The following OTOA variants were observed in gnomAD, a reference collection of about 807,000 sequenced individuals.
OTOA encodes the protein otoancorin, also known as cancer/testis antigen 108.
A neutral mutation model predicts 110.8 loss-of-function variants in OTOA; 70 were observed. The ratio of observed to expected loss-of-function variants is 0.63; its 90% CI spans 0.52 to 0.77. OTOA has a LOEUF of 0.77. Among genes scored for constraint, OTOA ranks in the 30% least tolerant of loss-of-function variants. OTOA has a pLI of 0.00. For synonymous variants in OTOA, 373 were observed against 431.5 expected (o/e 0.86, Z 1.68); for missense variants, 917 against 1,075.8 (o/e 0.85, Z 2.06).
chr16:21,733,565 G>C (rs1365585752), intron 21 of OTOA, among the ~76,000 whole-genome samples: 4 of 151,214 alleles, frequency 2.6e-5, no homozygotes, highest in African/African-American at 7.3e-5. Flanking sequence ...GGTGAGCCGG[G>C]ACCCAGTGAG....
chr16:21,704,608 G>A (rs930648166), intron 11 of OTOA, among the ~76,000 whole-genome samples: 2 of 152,144 alleles, frequency 1.3e-5, no homozygotes, highest in Non-Finnish European at 2.9e-5. Flanking sequence ...GTTTGGACTG[G>A]GGAGGGGGTG....
rs1365649266 is a variant in OTOA at position 21,755,684 on chromosome 16, A to AG, written c.3154-1392dup. Among the ~76,000 whole-genome samples, 63 of 140,844 alleles carry AG rather than the reference A, an allele frequency of 4.5e-4. No individual in the cohort carries two copies. In the East Asian group the frequency reaches 8.1e-3, roughly 18 times the overall value. 92.4% of individuals were successfully genotyped at this position (140,844 alleles called of 152,430 possible). ...TAATTAAAAAAACTTTTTGTAGAGA[A>AG]GGGGGGTCTCACTGTGTTGCCCAGG... On this transcript the variant is annotated intron_variant, in intron 27 of 28. Transcript: ENST00000646100.
At position 21,728,323 on chromosome 16, in the gene OTOA, G is replaced by C. The variant is rs1381645905; in HGVS notation, c.2099G>C (p.Gly700Ala). 2.5e-6 allele frequency: 4 copies of C among 1,614,058 alleles called. No individual in the cohort carries two copies. Among genetic ancestry groups the C allele is most frequent in the Non-Finnish European group, 3.4e-6 (4 of 1,180,010 alleles). Reference protein sequence around the residue: ...CHLPAAIIDRGISPRAWATAL... With the variant: ...CHLPAAIIDRAISPRAWATAL... Reference sequence around the variant, plus strand: ...TTGCCGGCAGCCATCATCGACAGGGGGATCTCCCCCAGGGCTTGGGCGACT... The same window carrying C: ...TTGCCGGCAGCCATCATCGACAGGGCGATCTCCCCCAGGGCTTGGGCGACT... The change falls in exon 20 of 29, where the codon GGG becomes GCG. Residue 700 changes from glycine to alanine, a missense_variant. Coordinates refer to ENST00000646100, the MANE Select transcript of OTOA (RefSeq NM_144672.4).
intron 11 of OTOA, among the ~76,000 whole-genome samples, chr16:21,701,903 C>A (rs1898060671): frequency 6.7e-6 from 1 of 149,228 alleles, no homozygotes; most frequent in Admixed American, 6.7e-5. Flanking sequence ...TCCCAAACTG[C>A]TGGGATTACA....
chr16:21,714,458 C>CTAT (rs1898481067), intron 13 of OTOA, among the ~76,000 whole-genome samples: 2 of 62,042 alleles, frequency 3.2e-5, no homozygotes, highest in African/African-American at 1.5e-4. Context: ...CTCTCTCTCT[C>CTAT]TCTTCTTTCT....
At chr16:21,711,530 C>T (rs1477128000) in intron 13 of OTOA, among the ~76,000 whole-genome samples, 1 of 152,112 alleles carries the variant, frequency 6.6e-6, no homozygotes, top group Non-Finnish European at 1.5e-5. Flanking sequence ...AATGCAATGG[C>T]ACAACCTCAG....
At chr16:21,678,366 T>C in intron 1 of OTOA, 145 bp from the exon 2 acceptor site, 1 of 524,888 alleles carries the variant, frequency 1.9e-6, no homozygotes. Flanking sequence ...CTTCAAGGGA[T>C]TCTGGGTGTA....
At chr16:21,716,784 C>A in intron 14 of OTOA, 123 bp from the exon 15 acceptor site, 1 of 1,140,756 alleles carries the variant, frequency 8.8e-7, no homozygotes, top group Non-Finnish European at 1.3e-6. Flanking sequence ...ATGCTACTCT[C>A]CACTTCCTAG....
intron 6 of OTOA, 75 bp from the exon 7 acceptor site, chr16:21,685,155 G>C (rs1897687243): frequency 6.3e-7 from 1 of 1,582,370 alleles, no homozygotes; most frequent in Non-Finnish European, 8.6e-7. Flanking sequence ...GCCGGGCTGG[G>C]CCGCTGGCCA....
chr16:21,683,827 G>T (rs1218558325), intron 6 of OTOA, among the ~76,000 whole-genome samples: 1 of 151,016 alleles, frequency 6.6e-6, no homozygotes, highest in African/African-American at 2.4e-5. Context: ...GGAGTGCAGT[G>T]GTGCCACCTC....
At chr16:21,703,854 A>G (rs572588588) in intron 11 of OTOA, among the ~76,000 whole-genome samples, 1 of 152,278 alleles carries the variant, frequency 6.6e-6, no homozygotes, top group African/African-American at 2.4e-5. Context: ...CAGTTGGTAT[A>G]CCACTTCTCA....
chr16:21,691,391 G>A (rs1269494657), intron 8 of OTOA, among the ~76,000 whole-genome samples, 193 bp from the exon 9 acceptor site: 1 of 152,064 alleles, frequency 6.6e-6, no homozygotes, highest in African/African-American at 2.4e-5. Flanking sequence ...GAATCACCAC[G>A]CTGTCTTCCA....
At chr16:21,678,444 G>GTA in intron 1 of OTOA, 67 bp from the exon 2 acceptor site, 1 of 884,134 alleles carries the variant, frequency 1.1e-6, no homozygotes, top group East Asian at 3.2e-5. Context: ...GTATATATAT[G>GTA]TGTGTGTGTG....
At position 21,726,671 on chromosome 16, in the gene OTOA, T is replaced by C. The variant is rs1156894279; in HGVS notation, c.2016+13T>C. The C allele has an allele frequency of 1.9e-6, 3 of 1,613,824 alleles. No individual in the cohort carries two copies. The highest frequency in any genetic ancestry group is 3.3e-5 in the Admixed American group (2 of 59,990). ...GCAGCAGTGCCTGGTAAGAAAACTC[T>C]TCCTGGGTGTCCCCTCCCTCTGGGT... On this transcript the variant is annotated intron_variant, in intron 19 of 28. Transcript: ENST00000646100.
intron 11 of OTOA, 36 bp from the exon 12 acceptor site, chr16:21,705,133 T>C: frequency 6.2e-7 from 1 of 1,614,186 alleles, no homozygotes; most frequent in Non-Finnish European, 8.5e-7. Flanking sequence ...GTTCTGCGGT[T>C]ACACCTCCAC....
At chr16:21,677,714 C>G (rs1047758078) in intron 1 of OTOA, among the ~76,000 whole-genome samples, 1 of 151,984 alleles carries the variant, frequency 6.6e-6, no homozygotes, top group Non-Finnish European at 1.5e-5. Context: ...GATCTCCTGA[C>G]CTCATGATCC....
intron 11 of OTOA, among the ~76,000 whole-genome samples, chr16:21,701,955 T>G (rs1457139396): frequency 6.7e-6 from 1 of 149,652 alleles, no homozygotes; most frequent in African/African-American, 2.5e-5. Context: ...CCTGTTTTTT[T>G]TTTTTTTTTT....
rs2141700700 is a variant in OTOA, at chr16:21,716,922, G to A, written c.1504G>A (p.Asp502Asn). 1 of 1,614,022 alleles carries A rather than the reference G, an allele frequency of 6.2e-7. No individual in the cohort carries two copies. Among genetic ancestry groups the A allele is most frequent in the East Asian group, 2.2e-5 (1 of 44,852 alleles). Residue 502 changes from aspartate (D) to asparagine (N), a missense_variant, in exon 15 of 29, where the codon GAC (aspartate) becomes AAC (asparagine). Physicochemically the swap from Asp to Asn is conservative, Grantham distance 23. This residue lies in a region of OTOA where 840 missense variants were observed against 910.2 expected (regional missense o/e 0.92). Transcript: ENST00000646100. The stretch of plus-strand genomic sequence containing the variant: ...CTTCTGGCAGATGGTCCAAGCGGAA[G>A]ACACTGCCCCAGGCATCGTGGAGAT... ...GILSKMVQAE[D>N]TAPGIVEIQG...
chr16:21,684,595 G>A (rs1401328384), intron 6 of OTOA: 1 of 1,478,996 alleles, frequency 6.8e-7, no homozygotes, highest in East Asian at 2.5e-5. Flanking sequence ...GGGCCTGAGA[G>A]TTACTTCAAC....
Sources: gnomAD v4.1 joint callset for allele counts (sites outside exome capture counted in the v4.1 genomes callset) on GRCh38, gnomAD v4.1.1 for gene constraint, gnomAD v4.1.1 regional missense constraint, MANE v1.5 for transcripts, NCBI Gene and HGNC (gene_info 2026-07-23, HGNC 2026-07-21) for gene names.